Variants in ACTR3 observed in about 807,000 individuals in gnomAD.
ACTR3 encodes the protein actin related protein 3, also known as actin-related protein 3.
A neutral mutation model predicts 56.8 loss-of-function variants in ACTR3; 12 were observed. The ratio of observed to expected loss-of-function variants is 0.21; its 90% CI spans 0.14 to 0.34. ACTR3 has a LOEUF of 0.34. Among genes scored for constraint, ACTR3 ranks in the 10% least tolerant of loss-of-function variants. The pLI is 1.00. For synonymous variants in ACTR3, 162 were observed against 167.4 expected, an observed-to-expected ratio of 0.97 and a Z score of 0.25; for missense variants, 282 against 512.5, an observed-to-expected ratio of 0.55 and a Z score of 4.34.
At chr2:113,892,660 C>G (rs1353360808) in intron 1 of ACTR3, among the ~76,000 whole-genome samples, 1 of 152,118 alleles carries the variant, frequency 6.6e-6, no homozygotes, top group Non-Finnish European at 1.5e-5. Context: ...CTGTGGTCCC[C>G]GAATGCAAAT....
rs537909158 is a variant in ACTR3 at position 113,943,385 on chromosome 2, A to G, written c.858+1026A>G. Among the ~76,000 whole-genome samples, 321 of 152,354 alleles carry G rather than the reference A, an allele frequency of 2.1e-3. 2 individuals are homozygous for G. The highest frequency in any genetic ancestry group is 7.4e-3 in the African/African-American group (306 of 41,582). On this transcript the variant is annotated intron_variant, in intron 8 of 11. Coordinates refer to ENST00000263238, the MANE Select transcript of ACTR3 (RefSeq NM_005721.5). ...AGGAGAGGGATCCAGATAGGTATTC[A>G]TGGACCCAGTCTTGAAGGGCAGATA... is the stretch of plus-strand genomic sequence containing the variant.
At chr2:113,921,549 C>T (rs1354707355) in intron 3 of ACTR3, among the ~76,000 whole-genome samples, 1 of 151,998 alleles carries the variant, frequency 6.6e-6, no homozygotes. Context: ...TTTCCCGTAC[C>T]AATGTTGTGA....
chr2:113,935,053 C>A (rs1289976876), intron 6 of ACTR3, among the ~76,000 whole-genome samples: 8 of 143,464 alleles, frequency 5.6e-5, no homozygotes, highest in African/African-American at 2.1e-4. Flanking sequence ...TTTTTTTATT[C>A]TCACTCCAGT....
At chr2:113,902,798 C>T (rs1223407991) in intron 1 of ACTR3, among the ~76,000 whole-genome samples, 1 of 152,120 alleles carries the variant, frequency 6.6e-6, no homozygotes, top group Admixed American at 6.5e-5. Flanking sequence ...TGGGGTTTCG[C>T]CGTGTTGGCC....
At chr2:113,939,616 A>G (rs960360064) in intron 6 of ACTR3, among the ~76,000 whole-genome samples, 2 of 152,244 alleles carry the variant, frequency 1.3e-5, no homozygotes, top group African/African-American at 4.8e-5. Flanking sequence ...TTATGAAGCA[A>G]TCTAAATTTT....
intron 10 of ACTR3, chr2:113,952,203 A>G (rs1680134115): frequency 5.5e-6 from 1 of 182,748 alleles, no homozygotes; most frequent in Non-Finnish European, 1.2e-5. Flanking sequence ...AGCTGAGTTG[A>G]GATTGATGCC....
At chr2:113,936,872 T>C (rs1479459070) in intron 6 of ACTR3, among the ~76,000 whole-genome samples, 1 of 152,198 alleles carries the variant, frequency 6.6e-6, no homozygotes. Flanking sequence ...CTTCTTTATA[T>C]GTCTTCACAT....
intron 2 of ACTR3, among the ~76,000 whole-genome samples, chr2:113,914,860 A>G (rs1479228846): frequency 6.6e-6 from 1 of 152,174 alleles, no homozygotes. Context: ...TTGATGAAAC[A>G]GCTCATTCGT....
At position 113,934,320 on chromosome 2, in the gene ACTR3, A is replaced by G. The variant is rs1679785660; in HGVS notation, c.474A>G (p.Val158=). Residue 158 remains valine, a synonymous_variant, in exon 6 of 12, where the codon GTA becomes GTG. Transcript: ENST00000263238. ...CTGCATCTTGGACCTCAAGACAAGT[A>G]GGAGAACGGACGTTGACCGGTACGG... The part of the protein sequence containing the change: ...ALAASWTSRQ[V]GERTLTGTVI... 1 of 1,608,880 alleles carries G rather than the reference A, an allele frequency of 6.2e-7. No individual in the cohort carries two copies. The highest frequency in any genetic ancestry group is 8.5e-7 in the Non-Finnish European group (1 of 1,178,614).
At chr2:113,943,354 A>G (rs941956283) in intron 8 of ACTR3, among the ~76,000 whole-genome samples, 2 of 152,186 alleles carry the variant, frequency 1.3e-5, no homozygotes, top group Non-Finnish European at 2.9e-5. Flanking sequence ...TAGAGGACAG[A>G]TTGGTAGGAG....
At chr2:113,917,773 G>T (rs186436144) in intron 3 of ACTR3, among the ~76,000 whole-genome samples, 1 of 152,056 alleles carries the variant, frequency 6.6e-6, no homozygotes, top group South Asian at 2.1e-4. Flanking sequence ...AAATTTCCCC[G>T]ACTGCAAGGC....
chr2:113,918,088 G>A (rs1559469020), intron 3 of ACTR3, among the ~76,000 whole-genome samples: 1 of 152,298 alleles, frequency 6.6e-6, no homozygotes. Flanking sequence ...CATGGAGAAC[G>A]AGGTGGAAAG....
chr2:113,918,770 T>C (rs1368471009), intron 3 of ACTR3, among the ~76,000 whole-genome samples: 3 of 152,240 alleles, frequency 2.0e-5, no homozygotes, highest in Non-Finnish European at 4.4e-5. Flanking sequence ...TCAATATATG[T>C]TGGCTTATTT....
intron 8 of ACTR3, among the ~76,000 whole-genome samples, chr2:113,948,715 T>A (rs1680065173): frequency 6.6e-6 from 1 of 152,148 alleles, no homozygotes; most frequent in Non-Finnish European, 1.5e-5. Context: ...ACTGTTTGCT[T>A]AGTGCTAAAA....
chr2:113,930,046 A>C (rs955519157), intron 4 of ACTR3, among the ~76,000 whole-genome samples: 7 of 152,048 alleles, frequency 4.6e-5, no homozygotes, highest in African/African-American at 7.2e-5. Flanking sequence ...TTTTAATTTT[A>C]ATTTTCATTT....
In ACTR3 at chr2:113,939,969, A is replaced by G; in HGVS notation, c.551A>G (p.Tyr184Cys). 12 of 1,606,370 alleles carry G rather than the reference A, an allele frequency of 7.5e-6. No homozygotes were observed. The highest frequency in any genetic ancestry group is 9.4e-6 in the Non-Finnish European group (11 of 1,174,500). ...TTTTCCCCTCTCTAGGCTGAAGGGT[A>G]TGTGATTGGCAGCTGTATTAAACAC... Reference protein sequence around the residue: ...VTHVIPVAEGYVIGSCIKHIP... With the variant: ...VTHVIPVAEGCVIGSCIKHIP... Residue 184 changes from tyrosine (Y) to cysteine (C), a missense_variant, in exon 7 of 12, where the codon TAT (tyrosine) becomes TGT (cysteine). By Grantham distance (194) the Tyr-to-Cys change is radical (BLOSUM62 -2). Transcript: ENST00000263238.
intron 1 of ACTR3, among the ~76,000 whole-genome samples, chr2:113,893,550 C>T (rs910282083): frequency 6.6e-6 from 1 of 152,166 alleles, no homozygotes; most frequent in Non-Finnish European, 1.5e-5. Context: ...CCTCAACCTC[C>T]CAAAGTGCTG....
chr2:113,915,052 T>G (rs554462844), intron 2 of ACTR3, among the ~76,000 whole-genome samples: 4 of 152,368 alleles, frequency 2.6e-5, no homozygotes, highest in African/African-American at 9.6e-5. Flanking sequence ...TATTGCTGAC[T>G]AATGTAGAGG....
intron 2 of ACTR3, among the ~76,000 whole-genome samples, chr2:113,914,472 A>G (rs1232690869): frequency 1.3e-5 from 2 of 152,156 alleles, no homozygotes; most frequent in Non-Finnish European, 2.9e-5. Flanking sequence ...TTAGCCAGGC[A>G]TGGTGGTGCA....
Sources: allele counts gnomAD v4.1 joint callset (sites outside exome capture counted in the v4.1 genomes callset), GRCh38; gene constraint gnomAD v4.1.1; transcripts MANE v1.5; gene names NCBI Gene and HGNC (gene_info 2026-07-23, HGNC 2026-07-21).